ZFHX3: variants seen among roughly 807,000 people sequenced by gnomAD.
The protein encoded by ZFHX3 is zinc finger homeobox 3.
Under a neutral mutation model 279.1 loss-of-function variants are expected in ZFHX3, and 42 were observed. The observed-to-expected ratio is 0.15, with a 90% CI of 0.12 to 0.19. The LOEUF (loss-of-function observed/expected upper bound fraction) is 0.19. Ranked by LOEUF, ZFHX3 falls within the 10% of genes least tolerant of loss-of-function variation. The probability of loss-of-function intolerance (pLI) is 1.00; values close to 1 mark genes in which losing one functional copy is unlikely to be tolerated. For synonymous variants in ZFHX3, 2,293 were observed against 1,957.8 expected (o/e 1.17, Z -4.52); for missense variants, 4,981 against 4,754.0 (o/e 1.05, Z -1.40).
At chr16:72,871,797 A>C (rs1224211676) in intron 4 of ZFHX3, among the ~76,000 whole-genome samples, 1 of 147,096 alleles carries the variant, frequency 6.8e-6, no homozygotes, top group African/African-American at 2.5e-5. Context: ...AAATTTTTTA[A>C]GGAATTGGCT....
chr16:72,802,356 G>T (rs2036129861), intron 7 of ZFHX3, among the ~76,000 whole-genome samples: 1 of 152,170 alleles, frequency 6.6e-6, no homozygotes, highest in African/African-American at 2.4e-5. Context: ...TGGGATTCAA[G>T]AAGGCAGTAA....
chr16:72,939,547 G>A (rs1220406335), intron 3 of ZFHX3, among the ~76,000 whole-genome samples: 4 of 152,160 alleles, frequency 2.6e-5, no homozygotes, highest in African/African-American at 9.7e-5. Context: ...AAGGGGTCTG[G>A]GAGCAAACAC....
chr16:73,278,613 T>G (rs1164621060), intron 4 of ZFHX3, among the ~76,000 whole-genome samples: 3 of 152,186 alleles, frequency 2.0e-5, no homozygotes, highest in Non-Finnish European at 4.4e-5. Context: ...CAGCTTTTAT[T>G]CCCTTATCTG....
At chr16:73,298,342 GC>G (rs1287563994) in intron 4 of ZFHX3, among the ~76,000 whole-genome samples, 1 of 151,450 alleles carries the variant, frequency 6.6e-6, no homozygotes, top group Non-Finnish European at 1.5e-5. Context: ...GTGCCACCAT[GC>G]CCGGCTAATT....
At chr16:73,750,786 A>G (rs1037125567) in intron 1 of ZFHX3, among the ~76,000 whole-genome samples, 4 of 152,340 alleles carry the variant, frequency 2.6e-5, no homozygotes, top group African/African-American at 9.6e-5. Context: ...GACTCGGAAC[A>G]TTGCAGGCAA....
intron 2 of ZFHX3, among the ~76,000 whole-genome samples, chr16:73,524,439 C>T (rs188492396): frequency 3.3e-5 from 5 of 152,266 alleles, no homozygotes; most frequent in African/African-American, 4.8e-5. Flanking sequence ...AACATATGCA[C>T]GGGATGAAAA....
rs112913053 is a variant in ZFHX3, at chr16:72,887,793, G to A, written c.3448+1938C>T. On this transcript the variant is annotated intron_variant, in intron 4 of 9. Coordinates refer to ENST00000268489, the MANE Select transcript of ZFHX3 (RefSeq NM_006885.4). ...TACAGGGGGTGTGTGTGTGTACAAC[G>A]TATGTGGGTATGGTGTCTTGTCTGT... is the stretch of plus-strand genomic sequence containing the variant. Among the ~76,000 whole-genome samples, 133 of 152,088 alleles carry A rather than the reference G, an allele frequency of 8.7e-4. 2 individuals carry two copies. Among genetic ancestry groups the A allele is most frequent in the African/African-American group, 3.1e-3 (128 of 41,462 alleles).
At chr16:72,817,099 T>C (rs897579654) in intron 5 of ZFHX3, among the ~76,000 whole-genome samples, 1 of 152,218 alleles carries the variant, frequency 6.6e-6, no homozygotes, top group African/African-American at 2.4e-5. Context: ...AAACTTTGTG[T>C]AGGAAGTGAC....
At chr16:73,040,472 C>T (rs543430433) in intron 1 of ZFHX3, among the ~76,000 whole-genome samples, 40 of 149,696 alleles carry the variant, frequency 2.7e-4, no homozygotes, top group African/African-American at 9.2e-4. Context: ...ACAAGCCAGC[C>T]GGGGAAGGCC....
At chr16:73,512,617 G>A (rs902660435) in intron 2 of ZFHX3, among the ~76,000 whole-genome samples, 1 of 152,094 alleles carries the variant, frequency 6.6e-6, no homozygotes, top group African/African-American at 2.4e-5. Context: ...GAAAAATAAG[G>A]TTCCATTATG....
intron 7 of ZFHX3, among the ~76,000 whole-genome samples, chr16:72,800,729 C>A (rs961090217): frequency 4.0e-5 from 6 of 150,318 alleles, no homozygotes; most frequent in Non-Finnish European, 9.0e-5. Context: ...ACATCAAGCA[C>A]AAACAAGCCT....
chr16:73,872,122 G>C (rs772581625), intron 1 of ZFHX3, among the ~76,000 whole-genome samples: 7 of 152,158 alleles, frequency 4.6e-5, no homozygotes, highest in Non-Finnish European at 8.8e-5. Context: ...AATCTCGAAA[G>C]CCAATAGGCA....
intron 1 of ZFHX3, among the ~76,000 whole-genome samples, chr16:73,024,347 A>C (rs1179102671): frequency 6.6e-6 from 1 of 152,158 alleles, no homozygotes; most frequent in African/African-American, 2.4e-5. Flanking sequence ...ATTGATGGCC[A>C]GTCTCCACCA....
intron 2 of ZFHX3, among the ~76,000 whole-genome samples, chr16:73,526,122 C>T (rs919540441): frequency 6.6e-6 from 1 of 152,220 alleles, no homozygotes; most frequent in Non-Finnish European, 1.5e-5. Context: ...AAAATGATTG[C>T]CGCACAATGG....
chr16:73,389,076 A>T (rs1235635284), intron 3 of ZFHX3: 1 of 152,196 alleles, frequency 6.6e-6, no homozygotes, highest in Non-Finnish European at 1.5e-5. Flanking sequence ...GCGCATATGT[A>T]TATTGTATAT....
chr16:72,959,538 G>C lies in ZFHX3; in HGVS notation c.608C>G (p.Ser203Cys), dbSNP rs763776503. The change falls in exon 2 of 10, where the codon TCC becomes TGC. Residue 203 changes from serine to cysteine, a missense_variant. Ser to Cys is a moderately radical substitution (Grantham distance 112). This residue lies in a region of ZFHX3 where 1,068 missense variants were observed against 935.2 expected (regional missense o/e 1.14). Transcript: ENST00000268489. ...QIINTFHIAS[S>C]FGKWFEGPDQ... ...TGGGCCCTCAAACCATTTCCCGAAG[G>C]ATGAGGCTATGTGGAAAGTGTTGAT... 3.1e-6 allele frequency: 5 copies of C among 1,614,262 alleles called. No homozygotes were observed. The highest frequency in any genetic ancestry group is 4.2e-6 in the Non-Finnish European group (5 of 1,180,048).
intron 4 of ZFHX3, among the ~76,000 whole-genome samples, chr16:72,882,018 T>A (rs1315753874): frequency 5.9e-5 from 9 of 152,134 alleles, no homozygotes; most frequent in Non-Finnish European, 1.3e-4. Context: ...GGGGTCCCCA[T>A]GTCACTGGGC....
rs2035794119 is a variant in ZFHX3 at position 72,793,668 on chromosome 16, T to C, written c.9014A>G (p.Lys3005Arg). The C allele has an allele frequency of 6.2e-7, 1 of 1,614,064 alleles. No individual in the cohort carries two copies. The highest frequency in any genetic ancestry group is 1.1e-5 in the South Asian group (1 of 91,076). The stretch of plus-strand genomic sequence containing the variant: ...ACCAAAATGCTTGGCCATGCTTAAC[T>C]TGGACTTCTTTTCTTTTGCCCGGGC... ...QNARAKEKKS[K>R]LSMAKHFGIN... Residue 3005 changes from lysine (K) to arginine (R), a missense_variant, in exon 9 of 10, where the codon AAG becomes AGG. By Grantham distance (26) the Lys-to-Arg change is conservative (BLOSUM62 2). Around this residue, in one of 7 missense-constraint regions of ZFHX3, gnomAD observed 168 missense variants for 249.1 expected, o/e 0.67. Coordinates refer to ENST00000268489, the MANE Select transcript of ZFHX3 (RefSeq NM_006885.4). The surrounding 1 kb of genome is among the most constrained non-coding windows in gnomAD (Gnocchi z 4.3).
At chr16:73,351,299 T>G (rs1244592889) in intron 3 of ZFHX3, among the ~76,000 whole-genome samples, 1 of 152,212 alleles carries the variant, frequency 6.6e-6, no homozygotes, top group Admixed American at 6.5e-5. Flanking sequence ...CTGGGCCTGC[T>G]GCCTAATATA....
Sources: gnomAD v4.1 joint callset for allele counts (sites outside exome capture counted in the v4.1 genomes callset) on GRCh38, gnomAD v4.1.1 for gene constraint, gnomAD v4.1.1 regional missense constraint, Gnocchi (gnomAD v3.1) non-coding constraint, MANE v1.5 for transcripts, NCBI Gene and HGNC (gene_info 2026-07-23, HGNC 2026-07-21) for gene names.